ATL1: variants seen among roughly 807,000 people sequenced by gnomAD.
ATL1 encodes atlastin GTPase 1, also known as atlastin-1.
Under a neutral mutation model 75.5 loss-of-function variants are expected in ATL1, and 31 were observed. That is an observed-to-expected ratio of 0.41 (90% confidence interval 0.31 to 0.55). ATL1 has a LOEUF of 0.55. Ranked by LOEUF, ATL1 falls within the 20% of genes least tolerant of loss-of-function variation. The pLI, the probability that ATL1 is intolerant of heterozygous loss-of-function variation, is 0.27. For missense variants in ATL1, 405 were observed against 662.6 expected (o/e 0.61, Z 4.27); for synonymous variants, 226 against 233.3 (o/e 0.97, Z 0.28).
chr14:50,582,892 G>T (rs80113823), intron 1 of ATL1, among the ~76,000 whole-genome samples: 5,693 of 152,080 alleles, frequency 0.037, 102 homozygotes, highest in Middle Eastern at 0.058. Context: ...AGACTATTAG[G>T]TTTATATAAA....
intron 1 of ATL1, among the ~76,000 whole-genome samples, chr14:50,565,238 C>A (rs56727111): frequency 6.6e-6 from 1 of 151,706 alleles, no homozygotes; most frequent in South Asian, 2.1e-4. Flanking sequence ...TGCAGTGAGC[C>A]GAGATCGCAC....
rs373633741 is a variant in ATL1, at chr14:50,538,543, T to C, written c.-140+5176T>C. ...CAGATTACAAATAATCTTACACTGT[T>C]CCTTATTGGTTTCCTCACGCAATAA... is the stretch of plus-strand genomic sequence containing the variant. On this transcript the variant is annotated intron_variant, in intron 1 of 13. Coordinates refer to the ATL1 transcript ENST00000441560. Among the ~76,000 whole-genome samples the C allele has an allele frequency of 7.2e-5, 11 of 152,326 alleles. No homozygotes were observed. In the East Asian group the frequency reaches 7.7e-4, roughly 11 times the overall value.
At chr14:50,557,913 A>G (rs2038783657), upstream of ATL1, among the ~76,000 whole-genome samples, 2 of 152,230 alleles carry the variant, frequency 1.3e-5, no homozygotes, top group Non-Finnish European at 2.9e-5. Context: ...TTCTTTTACC[A>G]GAATACAGGG....
At chr14:50,558,287 A>G (rs2038789518), upstream of ATL1, among the ~76,000 whole-genome samples, 1 of 152,162 alleles carries the variant, frequency 6.6e-6, no homozygotes, top group Non-Finnish European at 1.5e-5. Context: ...TGAACCTGGG[A>G]GGTGGAGGTT....
chr14:50,585,953 TATCTC>T (rs1165745471), intron 1 of ATL1, among the ~76,000 whole-genome samples: 2 of 152,210 alleles, frequency 1.3e-5, no homozygotes, highest in South Asian at 2.1e-4. Context: ...GGTGTATACT[TATCTC>T]TACTCATGCA....
Position 50,632,209 on chromosome 14 carries a change from T to C in ATL1, c.1567-20T>C, listed in dbSNP as rs1284765089. The stretch of plus-strand genomic sequence containing the variant: ...GTGTGTTTAATAAAATGTTTTATAA[T>C]TTTGATGCTTTTATTCTAGGCTTTG... On this transcript the variant is annotated intron_variant, in intron 13 of 13. Coordinates refer to ENST00000358385, the MANE Select transcript of ATL1 (RefSeq NM_015915.5). 9 of 1,568,462 alleles carry C rather than the reference T, an allele frequency of 5.7e-6. No individual in the cohort carries two copies. Among genetic ancestry groups the C allele is most frequent in the Non-Finnish European group, 7.8e-6 (9 of 1,146,548 alleles).
intron 6 of ATL1, among the ~76,000 whole-genome samples, chr14:50,602,159 G>T (rs1356865050): frequency 1.3e-5 from 2 of 152,140 alleles, no homozygotes; most frequent in Non-Finnish European, 2.9e-5. Flanking sequence ...ACCAAGCAAG[G>T]CTGTCTTCCT....
chr14:50,549,679 A>G (rs1458520111), intron 1 of ATL1, among the ~76,000 whole-genome samples: 1 of 152,186 alleles, frequency 6.6e-6, no homozygotes, highest in African/African-American at 2.4e-5. Context: ...TTCATGGGCC[A>G]CGATATCCAA....
intron 4 of ATL1, 52 bp downstream of exon 4, chr14:50,591,691 A>G: frequency 7.8e-7 from 1 of 1,284,318 alleles, no homozygotes; most frequent in Non-Finnish European, 1.1e-6. Flanking sequence ...AATTATGAGT[A>G]TATGTGTTTC....
chr14:50,559,428 ATT>A (rs1040227998), upstream of ATL1: 1 of 151,936 alleles, frequency 6.6e-6, no homozygotes, highest in African/African-American at 2.4e-5. Flanking sequence ...AAGTATTTTT[ATT>A]TTTTTTCTTT....
At chr14:50,600,412 C>T (rs2039261415) in intron 6 of ATL1, among the ~76,000 whole-genome samples, 1 of 152,144 alleles carries the variant, frequency 6.6e-6, no homozygotes, top group African/African-American at 2.4e-5. Flanking sequence ...GGACTTGTAA[C>T]TCTTAACTAC....
At chr14:50,624,474 C>T (rs1431955575) in intron 11 of ATL1, among the ~76,000 whole-genome samples, 2 of 151,992 alleles carry the variant, frequency 1.3e-5, no homozygotes, top group East Asian at 1.9e-4. Flanking sequence ...TGAACTTAAT[C>T]GATAAATGTG....
chr14:50,628,514 C>G (rs142922669), intron 12 of ATL1, 52 bp downstream of exon 12: 1 of 1,557,592 alleles, frequency 6.4e-7, no homozygotes, highest in African/African-American at 1.4e-5. Context: ...TGAATGTCAT[C>G]CATGTGCCAG....
chr14:50,624,646 A>G (rs1257869433), intron 11 of ATL1, among the ~76,000 whole-genome samples: 1 of 152,098 alleles, frequency 6.6e-6, no homozygotes, highest in South Asian at 2.1e-4. Flanking sequence ...CTTTAAATCA[A>G]AAGCTAGAAA....
At chr14:50,574,927 G>GTATATA in intron 1 of ATL1, among the ~76,000 whole-genome samples, 4 of 95,056 alleles carry the variant, frequency 4.2e-5, no homozygotes, top group African/African-American at 1.9e-4. Context: ...GTGTGTGTGT[G>GTATATA]TGTGTGTGTG....
chr14:50,538,380 A>G (rs1289413558), intron 1 of ATL1, among the ~76,000 whole-genome samples: 1 of 152,224 alleles, frequency 6.6e-6, no homozygotes, highest in Non-Finnish European at 1.5e-5. Flanking sequence ...AAAATGGACT[A>G]ATACAGTTAA....
chr14:50,549,395 G>C (rs2038674339), intron 1 of ATL1, among the ~76,000 whole-genome samples: 1 of 152,180 alleles, frequency 6.6e-6, no homozygotes, highest in East Asian at 1.9e-4. Context: ...ACTCACAGCT[G>C]AGACCTAGAA....
chr14:50,537,446 A>G (rs1156528495), intron 1 of ATL1, among the ~76,000 whole-genome samples: 2 of 152,242 alleles, frequency 1.3e-5, no homozygotes, highest in Non-Finnish European at 2.9e-5. Flanking sequence ...CAGAGCCCCC[A>G]GACAGAGTTC....
chr14:50,596,454 A>G (rs2039218149), intron 6 of ATL1, among the ~76,000 whole-genome samples: 1 of 152,258 alleles, frequency 6.6e-6, no homozygotes, highest in African/African-American at 2.4e-5. Flanking sequence ...AACAATACAG[A>G]AGATGTGAAA....
Sources: allele counts gnomAD v4.1 joint callset (sites outside exome capture counted in the v4.1 genomes callset), GRCh38; gene constraint gnomAD v4.1.1; transcripts MANE v1.5; gene names NCBI Gene and HGNC (gene_info 2026-07-23, HGNC 2026-07-21).